Variants in SGK3 observed in about 807,000 individuals in gnomAD.
SGK3 encodes serine/threonine-protein kinase Sgk3.
In SGK3, 47 loss-of-function variants were observed where a neutral mutation model predicts 68.5. That is an observed-to-expected ratio of 0.69 (90% CI 0.54 to 0.87). The LOEUF (loss-of-function observed/expected upper bound fraction) is 0.87. Ranked by LOEUF, SGK3 falls within the 40% of genes least tolerant of loss-of-function variation. SGK3 has a pLI of 0.00. For synonymous variants in SGK3, 181 were observed against 189.1 expected (o/e 0.96, Z 0.35); for missense variants, 479 against 575.5 (o/e 0.83, Z 1.72).
intron 1 of SGK3, among the ~76,000 whole-genome samples, chr8:66,738,910 G>T (rs112033517): frequency 6.6e-6 from 1 of 152,096 alleles, no homozygotes; most frequent in Non-Finnish European, 1.5e-5. Context: ...GATTACAGGC[G>T]TGAGTCACTG....
intron 15 of SGK3, among the ~76,000 whole-genome samples, chr8:66,850,628 A>G (rs1810242424): frequency 6.6e-6 from 1 of 152,248 alleles, no homozygotes; most frequent in African/African-American, 2.4e-5. Context: ...CTTAAGTTTA[A>G]GTAGGTCATT....
chr8:66,843,610 C>A, intron 14 of SGK3, 63 bp downstream of exon 14: 1 of 1,516,420 alleles, frequency 6.6e-7, no homozygotes, highest in South Asian at 1.1e-5. Context: ...CTGTCTGTCT[C>A]TCCCACCTTA....
chr8:66,745,335 G>T (rs915717836), intron 1 of SGK3, among the ~76,000 whole-genome samples: 2 of 152,148 alleles, frequency 1.3e-5, no homozygotes, highest in Non-Finnish European at 2.9e-5. Context: ...ACTTTGGGAG[G>T]CTGAGGCAGG....
At chr8:66,778,012 T>G (rs1311872972) in intron 1 of SGK3, 1 of 152,336 alleles carries the variant, frequency 6.6e-6, no homozygotes, top group Non-Finnish European at 1.5e-5. Flanking sequence ...GGACTTCTGC[T>G]GCCCTTTCTG....
chr8:66,751,234 G>A (rs1805807992), intron 1 of SGK3, among the ~76,000 whole-genome samples: 1 of 152,120 alleles, frequency 6.6e-6, no homozygotes, highest in Admixed American at 6.6e-5. Flanking sequence ...AAAAAGAAAT[G>A]AGAGGAGTTG....
At chr8:66,749,881 C>A (rs1805761280) in intron 1 of SGK3, among the ~76,000 whole-genome samples, 1 of 151,190 alleles carries the variant, frequency 6.6e-6, no homozygotes, top group Non-Finnish European at 1.5e-5. Flanking sequence ...AGAATGACTG[C>A]CTTGGTACAT....
chr8:66,857,839 G>C (rs2130764412), intron 16 of SGK3, among the ~76,000 whole-genome samples: 2 of 148,300 alleles, frequency 1.3e-5, no homozygotes, highest in East Asian at 3.9e-4. Context: ...GTGTGTGTGT[G>C]TGTAGGAAAG....
At chr8:66,731,304 TA>T (rs1352191974) in intron 1 of SGK3, among the ~76,000 whole-genome samples, 2 of 152,170 alleles carry the variant, frequency 1.3e-5, no homozygotes, top group Non-Finnish European at 2.9e-5. Context: ...AGTTGGTTTA[TA>T]GTGTTGTTCA....
In SGK3 at chr8:66,832,832, G is replaced by A. The variant is rs540874404; in HGVS notation, c.525+1521G>A. Among the ~76,000 whole-genome samples the A allele has an allele frequency of 1.3e-4, 19 of 151,750 alleles. No individual in the cohort carries two copies. The South Asian group carries it at 1.5e-3, about 12-fold the overall frequency. On this transcript the variant is annotated intron_variant, in intron 8 of 16. Transcript: ENST00000521198. ...TCTTGCATATAATGTGAGGCATAGCGTCACAATTCATTTTTTTCCATGTGG... is the reference window on the plus strand; with the variant it reads ...TCTTGCATATAATGTGAGGCATAGCATCACAATTCATTTTTTTCCATGTGG...
At chr8:66,748,220 TCC>T in intron 1 of SGK3, among the ~76,000 whole-genome samples, 1 of 152,186 alleles carries the variant, frequency 6.6e-6, no homozygotes, top group South Asian at 2.1e-4. Flanking sequence ...ATAATATAAA[TCC>T]TTTCTTCTCA....
intron 1 of SGK3, among the ~76,000 whole-genome samples, chr8:66,718,183 A>G (rs761521418): frequency 6.6e-6 from 1 of 150,860 alleles, no homozygotes; most frequent in Non-Finnish European, 1.5e-5. Context: ...CTACCACCAT[A>G]TCTGGCTAAT....
At chr8:66,714,479 T>A (rs981031217) in intron 1 of SGK3, among the ~76,000 whole-genome samples, 1 of 152,234 alleles carries the variant, frequency 6.6e-6, no homozygotes, top group African/African-American at 2.4e-5. Flanking sequence ...ACTAGCTTTC[T>A]GACTCCCTCA....
intron 7 of SGK3, among the ~76,000 whole-genome samples, chr8:66,829,891 G>A (rs1251880600): frequency 9.4e-6 from 1 of 106,060 alleles, no homozygotes; most frequent in African/African-American, 3.5e-5. Flanking sequence ...TTTTTTTATT[G>A]AGACAGAGTC....
At chr8:66,819,945 G>A (rs1156440454) in intron 5 of SGK3, among the ~76,000 whole-genome samples, 2 of 151,980 alleles carry the variant, frequency 1.3e-5, no homozygotes, top group African/African-American at 2.4e-5. Flanking sequence ...AGCCTCCTGA[G>A]TAGCTGGGAC....
intron 8 of SGK3, among the ~76,000 whole-genome samples, chr8:66,835,303 C>G (rs2130707886): frequency 6.6e-6 from 1 of 152,290 alleles, no homozygotes; most frequent in South Asian, 2.1e-4. Context: ...CTATAGAAAT[C>G]CATGGCACTT....
At chr8:66,715,855 G>T (rs1227904478) in intron 1 of SGK3, among the ~76,000 whole-genome samples, 1 of 152,112 alleles carries the variant, frequency 6.6e-6, no homozygotes, top group East Asian at 1.9e-4. Context: ...TGAGAGATGG[G>T]ATGGCCTTTC....
chr8:66,804,617 C>G (rs1403296870), intron 4 of SGK3, among the ~76,000 whole-genome samples, 170 bp downstream of exon 4: 1 of 152,172 alleles, frequency 6.6e-6, no homozygotes, highest in Non-Finnish European at 1.5e-5. Context: ...GTTTTAAGTA[C>G]TTCATGTGTT....
At chr8:66,793,084 T>A (rs938837893) in intron 1 of SGK3, among the ~76,000 whole-genome samples, 4 of 152,186 alleles carry the variant, frequency 2.6e-5, no homozygotes, top group African/African-American at 9.7e-5. Context: ...GACCAGAGGT[T>A]CAGTACAAAA....
chr8:66,790,453 A>T (rs894321222), intron 1 of SGK3, among the ~76,000 whole-genome samples: 3 of 152,160 alleles, frequency 2.0e-5, no homozygotes, highest in African/African-American at 7.2e-5. Flanking sequence ...AGCCTCATCT[A>T]TGCCTACCCA....
Sources: gnomAD v4.1 joint callset for allele counts (sites outside exome capture counted in the v4.1 genomes callset) on GRCh38, gnomAD v4.1.1 for gene constraint, MANE v1.5 for transcripts, NCBI Gene and HGNC (gene_info 2026-07-23, HGNC 2026-07-21) for gene names.